TMEM178B: variants seen among roughly 807,000 people sequenced by gnomAD.
The protein encoded by TMEM178B is transmembrane protein 178B.
In TMEM178B, 5 loss-of-function variants were observed where a neutral mutation model predicts 31.0. That is an observed-to-expected ratio of 0.16 (90% CI 0.08 to 0.34). TMEM178B has a LOEUF of 0.34. Among genes scored for constraint, TMEM178B ranks in the 10% least tolerant of loss-of-function variants. The probability of loss-of-function intolerance (pLI) is 1.00; values close to 1 mark genes in which losing one functional copy is unlikely to be tolerated. For missense variants in TMEM178B, 275 were observed against 400.3 expected, an observed-to-expected ratio of 0.69 and a Z score of 2.67; for synonymous variants, 164 against 164.0, an observed-to-expected ratio of 1.00 and a Z score of 0.00.
intron 2 of TMEM178B, among the ~76,000 whole-genome samples, chr7:141,399,529 A>G (rs1410119995): frequency 1.3e-5 from 2 of 152,188 alleles, no homozygotes; most frequent in African/African-American, 4.8e-5. Flanking sequence ...TTTGGAGTCT[A>G]TGGTAATGAA....
At chr7:141,483,938 G>A (rs538814933), downstream of TMEM178B, among the ~76,000 whole-genome samples, 9 of 152,136 alleles carry the variant, frequency 5.9e-5, no homozygotes, top group African/African-American at 1.7e-4. Flanking sequence ...GTTTTACCAC[G>A]TTGGCCAGGC....
At chr7:141,139,520 T>C (rs936475044) in intron 1 of TMEM178B, among the ~76,000 whole-genome samples, 3 of 152,024 alleles carry the variant, frequency 2.0e-5, no homozygotes, top group Non-Finnish European at 4.4e-5. Flanking sequence ...CTGCCTAATT[T>C]TTTGTAGAGA....
chr7:141,325,327 T>C (rs1799170984), intron 2 of TMEM178B, among the ~76,000 whole-genome samples: 1 of 152,122 alleles, frequency 6.6e-6, no homozygotes, highest in South Asian at 2.1e-4. Context: ...AGCCCCCAGA[T>C]TATAAAAGCA....
chr7:141,491,827 GCC>G, the TMEM178B span, among the ~76,000 whole-genome samples: 1 of 152,116 alleles, frequency 6.6e-6, no homozygotes, highest in South Asian at 2.1e-4. Flanking sequence ...TGGAGCCTGG[GCC>G]CTGTTGCAGG....
chr7:141,444,410 G>A (rs139504208), intron 3 of TMEM178B, among the ~76,000 whole-genome samples: 216 of 152,294 alleles, frequency 1.4e-3, no homozygotes, highest in East Asian at 8.3e-3. Flanking sequence ...CAATAGAGCA[G>A]CAATTCTTCA....
chr7:141,242,482 G>A (rs1340557214), intron 2 of TMEM178B, among the ~76,000 whole-genome samples: 2 of 34,478 alleles, frequency 5.8e-5, no homozygotes, highest in Non-Finnish European at 4.4e-5. Flanking sequence ...GTGTGAGTGT[G>A]TGTGTGTGTG....
chr7:141,452,609 C>T (rs1167186849), intron 3 of TMEM178B, among the ~76,000 whole-genome samples: 1 of 152,154 alleles, frequency 6.6e-6, no homozygotes, highest in East Asian at 1.9e-4. Context: ...TCATTTAGCC[C>T]TTGGTGGAAA....
intron 2 of TMEM178B, among the ~76,000 whole-genome samples, chr7:141,432,300 G>A (rs1034027699): frequency 1.3e-5 from 2 of 151,804 alleles, no homozygotes; most frequent in African/African-American, 4.8e-5. Context: ...TGATTACCGG[G>A]GCATGCCACC....
intron 2 of TMEM178B, among the ~76,000 whole-genome samples, chr7:141,397,084 G>A (rs1018087426): frequency 2.6e-5 from 4 of 152,114 alleles, no homozygotes; most frequent in Non-Finnish European, 5.9e-5. Context: ...AACACCATGG[G>A]GTCAGCTCAC....
In TMEM178B at chr7:141,476,599, G is replaced by A. The variant is rs920274071; in HGVS notation, c.*5813G>A. On this transcript the variant is annotated 3_prime_UTR_variant, in exon 4 of 4. Coordinates refer to ENST00000565468, the MANE Select transcript of TMEM178B (RefSeq NM_001195278.2). ...GATCTTCTTTCTCTTGTCAGTTGCT[G>A]AAGCCAGTAGCTTCGTCAAAAACAT... The A allele has an allele frequency of 2.6e-5, 4 of 152,178 alleles. No homozygotes were observed. Among genetic ancestry groups the A allele is most frequent in the African/African-American group, 9.7e-5 (4 of 41,450 alleles). 9.4% of individuals were successfully genotyped at this position (152,178 alleles called of 1,614,324 possible).
chr7:141,122,192 A>AG (rs1586781604), intron 1 of TMEM178B, among the ~76,000 whole-genome samples: 1 of 152,356 alleles, frequency 6.6e-6, no homozygotes, highest in East Asian at 1.9e-4. Context: ...TTTGCTGGAT[A>AG]AGCAAAGAGA....
chr7:141,119,213 G>A (rs1795370878), intron 1 of TMEM178B, among the ~76,000 whole-genome samples: 1 of 152,220 alleles, frequency 6.6e-6, no homozygotes, highest in Non-Finnish European at 1.5e-5. Flanking sequence ...TGACCCATGA[G>A]GGTGCTGGCC....
chr7:141,443,302 G>C (rs932991808), intron 3 of TMEM178B, among the ~76,000 whole-genome samples: 2 of 152,138 alleles, frequency 1.3e-5, no homozygotes, highest in Admixed American at 1.3e-4. Context: ...AACGGCCCCA[G>C]CTGACTCCGA....
intron 2 of TMEM178B, among the ~76,000 whole-genome samples, chr7:141,407,449 A>G (rs757389157): frequency 1.1e-4 from 16 of 152,350 alleles, no homozygotes; most frequent in Admixed American, 2.0e-4. Flanking sequence ...TCAGGAATGA[A>G]AATAGCACCA....
At chr7:141,392,365 C>A (rs570463054) in intron 2 of TMEM178B, among the ~76,000 whole-genome samples, 1 of 152,268 alleles carries the variant, frequency 6.6e-6, no homozygotes, top group South Asian at 2.1e-4. Context: ...CTGAAGTGAA[C>A]AGAGAAATCC....
intron 2 of TMEM178B, among the ~76,000 whole-genome samples, chr7:141,366,373 C>G (rs1224798589): frequency 6.6e-6 from 1 of 152,144 alleles, no homozygotes; most frequent in East Asian, 1.9e-4. Context: ...GCAAGGGTCA[C>G]GACAAATTTG....
chr7:141,301,208 G>A (rs1798719159), intron 2 of TMEM178B, among the ~76,000 whole-genome samples: 2 of 152,182 alleles, frequency 1.3e-5, no homozygotes, highest in Non-Finnish European at 2.9e-5. Context: ...GATTTAATTA[G>A]CATTTCCTTT....
chr7:141,236,580 A>G (rs573684487), intron 2 of TMEM178B, among the ~76,000 whole-genome samples: 6 of 152,306 alleles, frequency 3.9e-5, no homozygotes, highest in East Asian at 3.9e-4. Flanking sequence ...GATCACCTCT[A>G]TCTTCACTCC....
At chr7:141,480,819 A>T, downstream of TMEM178B, among the ~76,000 whole-genome samples, 1 of 152,058 alleles carries the variant, frequency 6.6e-6, no homozygotes, top group East Asian at 1.9e-4. Flanking sequence ...GTTCCTTTCC[A>T]CACATCTACC....
Sources: gnomAD v4.1 joint callset for allele counts (sites outside exome capture counted in the v4.1 genomes callset) on GRCh38, gnomAD v4.1.1 for gene constraint, MANE v1.5 for transcripts, NCBI Gene and HGNC (gene_info 2026-07-23, HGNC 2026-07-21) for gene names.